The following RNF152 variants were observed in gnomAD, a reference collection of about 807,000 sequenced individuals.
The protein encoded by RNF152 is ring finger protein 152, also known as E3 ubiquitin-protein ligase RNF152.
RNF152 carries 11 observed loss-of-function variants against 12.7 expected under a neutral mutation model. The ratio of observed to expected loss-of-function variants is 0.86; its 90% CI spans 0.54 to 1.43. The LOEUF (loss-of-function observed/expected upper bound fraction) is 1.43, where lower values mean the gene tolerates loss of function less well. Ranked by LOEUF, RNF152 falls within the 40% of genes most tolerant of loss-of-function variation. RNF152 has a pLI of 0.00. For missense variants in RNF152, 255 were observed against 274.8 expected (o/e 0.93, Z 0.51); for synonymous variants, 113 against 120.3 (o/e 0.94, Z 0.40).
upstream of RNF152, chr18:61,893,082 T>C: frequency 6.6e-6 from 1 of 152,336 alleles, no homozygotes; most frequent in East Asian, 1.9e-4. Context: ...CGGCTCCTAA[T>C]TGTCTCTACA....
intron 1 of RNF152, among the ~76,000 whole-genome samples, chr18:61,844,139 A>ATT (rs1568275474): frequency 1.4e-5 from 2 of 139,006 alleles, no homozygotes; most frequent in Admixed American, 7.1e-5. Context: ...AGAAAGAAAG[A>ATT]AATTAAGAGA....
chr18:61,828,890 T>C (rs1292293849), intron 1 of RNF152, among the ~76,000 whole-genome samples: 2 of 152,040 alleles, frequency 1.3e-5, no homozygotes, highest in Non-Finnish European at 2.9e-5. Context: ...ACTACAGTCA[T>C]GTGATTGATA....
At position 61,815,768 on chromosome 18, in the gene RNF152, C is replaced by T. The variant is rs1909034197; in HGVS notation, c.*84G>A. 5 of 1,475,352 alleles carry T rather than the reference C, an allele frequency of 3.4e-6. No homozygotes were observed. The highest frequency in any genetic ancestry group is 1.4e-5 in the African/African-American group (1 of 72,450). 91.4% of individuals were successfully genotyped at this position (1,475,352 alleles called of 1,614,324 possible). On this transcript the variant is annotated 3_prime_UTR_variant, in exon 2 of 2. Transcript: ENST00000312828. ...GCTCAGCACCAAATGGTCAGTGTTG[C>T]CCCCCATCTTCTCACTGGGATCTCA...
intron 1 of RNF152, among the ~76,000 whole-genome samples, chr18:61,877,286 A>G (rs1330681339): frequency 6.6e-6 from 1 of 152,256 alleles, no homozygotes; most frequent in Non-Finnish European, 1.5e-5. Context: ...CACTGAATTT[A>G]GTCTGATAAG....
rs1646971668 is a variant in RNF152 at position 61,871,015 on chromosome 18, C to T, written c.-136+21780G>A. Among the ~76,000 whole-genome samples, 3 of 152,150 alleles carry T rather than the reference C, an allele frequency of 2.0e-5. No homozygotes were observed. In the South Asian group the frequency reaches 6.2e-4, roughly 32 times the overall value. On this transcript the variant is annotated intron_variant, in intron 1 of 1. Transcript: ENST00000312828. ...CACCCCAAGGCCCTGCACCTGCTTC[C>T]CAGAGAGGCTGTTACTAGAATTCAC...
intron 1 of RNF152, among the ~76,000 whole-genome samples, chr18:61,844,158 G>GAA: frequency 1.5e-5 from 1 of 68,418 alleles, no homozygotes; most frequent in Non-Finnish European, 4.5e-5. Flanking sequence ...GAAAAGGAAG[G>GAA]AAGGGAGGAA....
chr18:61,885,690 C>T lies in RNF152; in HGVS notation c.-136+7105G>A, dbSNP rs1476923166. Among the ~76,000 whole-genome samples, 3 of 152,128 alleles carry T rather than the reference C, an allele frequency of 2.0e-5. 1 individual carries two copies. The highest frequency in any genetic ancestry group is 6.3e-3 in the Middle Eastern group (2 of 316). Reference sequence around the variant, plus strand: ...TATTTCCCTCTTTCATAATAACACTCTCATAATGATCAAGCATTTTGAGTA... The same window carrying T: ...TATTTCCCTCTTTCATAATAACACTTTCATAATGATCAAGCATTTTGAGTA... On this transcript the variant is annotated intron_variant, in intron 1 of 1. Transcript: ENST00000312828.
intron 1 of RNF152, among the ~76,000 whole-genome samples, chr18:61,824,804 T>C (rs1249916299): frequency 6.6e-6 from 1 of 152,202 alleles, no homozygotes; most frequent in African/African-American, 2.4e-5. Context: ...ACACATGGCT[T>C]TATCTTCATT....
intron 1 of RNF152, among the ~76,000 whole-genome samples, chr18:61,831,309 CG>C (rs1909931911): frequency 6.6e-6 from 1 of 152,126 alleles, no homozygotes; most frequent in Admixed American, 6.5e-5. Context: ...AGAATCAGCT[CG>C]GGGAAATGCT....
At chr18:61,845,635 G>A (rs1910711779) in intron 1 of RNF152, among the ~76,000 whole-genome samples, 1 of 152,178 alleles carries the variant, frequency 6.6e-6, no homozygotes, top group Non-Finnish European at 1.5e-5. Flanking sequence ...TTTATGTGAA[G>A]TCAATTTTCC....
intron 1 of RNF152, among the ~76,000 whole-genome samples, chr18:61,863,579 C>T (rs1911589568): frequency 1.3e-5 from 2 of 152,092 alleles, no homozygotes; most frequent in Admixed American, 1.3e-4. Flanking sequence ...GCACATTTTC[C>T]AGGCTGGAAA....
At chr18:61,845,961 G>T (rs774105316) in intron 1 of RNF152, among the ~76,000 whole-genome samples, 5 of 152,136 alleles carry the variant, frequency 3.3e-5, no homozygotes, top group Non-Finnish European at 5.9e-5. Context: ...CCTGAGTGGG[G>T]TTAGTGCCCC....
intron 1 of RNF152, among the ~76,000 whole-genome samples, chr18:61,855,843 G>T (rs138084326): frequency 6.6e-6 from 1 of 152,346 alleles, no homozygotes; most frequent in African/African-American, 2.4e-5. Context: ...ATTGGCCACA[G>T]AGGTTTCCGG....
At position 61,808,410 on chromosome 18, in the gene RNF152, A is replaced by AAAAAAAAC; in HGVS notation, c.*7441_*7442insGTTTTTTT. On this transcript the variant is annotated 3_prime_UTR_variant, in exon 2 of 2. Coordinates refer to ENST00000312828, the MANE Select transcript of RNF152 (RefSeq NM_173557.3). ...CTTAAAAAAAAAAAAAAAAAAAAAA[A>AAAAAAAAC]AAGCTCCTAAAATAAATAATCCACA... 6.6e-6 allele frequency: 1 copy of AAAAAAAAC among 150,620 alleles called. No individual in the cohort carries two copies. The highest frequency in any genetic ancestry group is 2.5e-5 in the African/African-American group (1 of 40,584). The allele number at this position is 150,620 out of a possible 1,614,324, so 9.3% of individuals were successfully genotyped here.
At chr18:61,831,923 G>A (rs950351110) in intron 1 of RNF152, among the ~76,000 whole-genome samples, 3 of 64,738 alleles carry the variant, frequency 4.6e-5, no homozygotes, top group Non-Finnish European at 1.3e-4. Flanking sequence ...TTATGTGTGT[G>A]GGGGGGTGTG....
chr18:61,833,754 C>T (rs749924433), intron 1 of RNF152, among the ~76,000 whole-genome samples: 2 of 152,138 alleles, frequency 1.3e-5, no homozygotes, highest in Non-Finnish European at 2.9e-5. Flanking sequence ...GATAAAGAGA[C>T]AAAAGCATTC....
intron 1 of RNF152, among the ~76,000 whole-genome samples, chr18:61,825,644 G>A (rs1555700002): frequency 6.6e-6 from 1 of 152,150 alleles, no homozygotes; most frequent in Non-Finnish European, 1.5e-5. Context: ...CATCACTGGA[G>A]GTGAAGGGAG....
At chr18:61,876,918 G>C (rs1717718596) in intron 1 of RNF152, among the ~76,000 whole-genome samples, 1 of 152,214 alleles carries the variant, frequency 6.6e-6, no homozygotes, top group Non-Finnish European at 1.5e-5. Context: ...ACACCTAGCA[G>C]GATATTTACT....
At chr18:61,833,471 C>T (rs1014866313) in intron 1 of RNF152, among the ~76,000 whole-genome samples, 4 of 152,204 alleles carry the variant, frequency 2.6e-5, no homozygotes, top group Admixed American at 6.5e-5. Flanking sequence ...ACCAAGAACT[C>T]CTGTCCTTCA....
Sources: gnomAD v4.1 joint callset for allele counts (sites outside exome capture counted in the v4.1 genomes callset) on GRCh38, gnomAD v4.1.1 for gene constraint, MANE v1.5 for transcripts, NCBI Gene and HGNC (gene_info 2026-07-23, HGNC 2026-07-21) for gene names.